The following EYA1 variants were observed in gnomAD, a reference collection of about 807,000 sequenced individuals.
EYA1 encodes the protein protein phosphatase EYA1.
In EYA1, 16 loss-of-function variants were observed where a neutral mutation model predicts 82.0. That is an observed-to-expected ratio of 0.20 (90% CI 0.13 to 0.30). The LOEUF (loss-of-function observed/expected upper bound fraction) is 0.30. Among genes scored for constraint, EYA1 ranks in the 10% least tolerant of loss-of-function variants. The pLI is 1.00. For missense variants in EYA1, 633 were observed against 730.7 expected (o/e 0.87, Z 1.54); for synonymous variants, 261 against 264.4 (o/e 0.99, Z 0.12).
chr8:71,473,796 A>G lies in EYA1; in HGVS notation c.33+61948T>C, dbSNP rs112214147. On this transcript the variant is annotated intron_variant, in intron 2 of 18. Transcript: ENST00000643681. ...TTCACAATAGCAAAGACTTGGAACC[A>G]ACCCAGATGCCCATCAATGATAGAC... Among the ~76,000 whole-genome samples the G allele has an allele frequency of 1.0e-3, 158 of 152,350 alleles. 1 individual carries two copies. Among genetic ancestry groups the G allele is most frequent in the African/African-American group, 3.6e-3 (150 of 41,592 alleles).
intron 2 of EYA1, among the ~76,000 whole-genome samples, chr8:71,504,950 C>T (rs569315683): frequency 3.7e-4 from 56 of 152,158 alleles, no homozygotes; most frequent in Non-Finnish European, 5.3e-4. Context: ...TACAGGTGTG[C>T]GCCACCACAC....
chr8:71,248,755 C>T (rs1813401012), intron 11 of EYA1, among the ~76,000 whole-genome samples: 1 of 152,124 alleles, frequency 6.6e-6, no homozygotes, highest in Admixed American at 6.5e-5. Context: ...ATTATAATAG[C>T]TAATACGTTA....
intron 11 of EYA1, among the ~76,000 whole-genome samples, chr8:71,250,450 T>A (rs550557349): frequency 1.3e-5 from 2 of 152,308 alleles, no homozygotes; most frequent in African/African-American, 2.4e-5. Context: ...CTGGCTGGGC[T>A]CCACAGTTGC....
chr8:71,321,514 G>C lies in EYA1; in HGVS notation c.418+220C>G, dbSNP rs534790316. Among the ~76,000 whole-genome samples the C allele has an allele frequency of 1.3e-4, 20 of 152,292 alleles. No homozygotes were observed. In the South Asian group the frequency reaches 3.5e-3, roughly 27 times the overall value. On this transcript the variant is annotated intron_variant, in intron 6 of 17. Transcript: ENST00000340726. ...AATCGAGAAAAATGAGAGCAAGAAG[G>C]CATACGAACCACATAATCTTTTCGC...
At chr8:71,345,289 T>C (rs141722030) in intron 3 of EYA1, among the ~76,000 whole-genome samples, 8 of 152,260 alleles carry the variant, frequency 5.3e-5, no homozygotes, top group Admixed American at 1.3e-4. Context: ...CCAGTGGACA[T>C]TGAGCATTTT....
chr8:71,342,112 G>A (rs559903927), intron 3 of EYA1, among the ~76,000 whole-genome samples: 2 of 152,134 alleles, frequency 1.3e-5, no homozygotes, highest in East Asian at 3.9e-4. Flanking sequence ...CCATACTAAT[G>A]CTCATCTCTC....
chr8:71,199,331 C>A lies in EYA1; in HGVS notation c.*9G>T. Reference sequence around the variant, plus strand: ...GAGCAGCTGTGCGCTGTCAAAGTGCCGAGCGCTGTTACAGGTACTCCAGTT... The same window carrying A: ...GAGCAGCTGTGCGCTGTCAAAGTGCAGAGCGCTGTTACAGGTACTCCAGTT... On this transcript the variant is annotated 3_prime_UTR_variant, in exon 18 of 18. Coordinates refer to ENST00000340726, the MANE Select transcript of EYA1 (RefSeq NM_000503.6). 6.3e-7 allele frequency: 1 copy of A among 1,598,962 alleles called. No individual in the cohort carries two copies. The highest frequency in any genetic ancestry group is 1.1e-5 in the South Asian group (1 of 90,024).
intron 2 of EYA1, among the ~76,000 whole-genome samples, chr8:71,505,180 G>A (rs1812100982): frequency 6.6e-6 from 1 of 152,046 alleles, no homozygotes. Context: ...CTCCACTATG[G>A]CATTTCCCAC....
Position 71,510,364 on chromosome 8 carries a change from A to AT in EYA1, c.33+25379dup, listed in dbSNP as rs376385955. 3.8e-3 allele frequency among the ~76,000 whole-genome samples: 572 copies of AT among 152,230 alleles called. 1 individual carries two copies. The highest frequency in any genetic ancestry group is 6.3e-3 in the Admixed American group (97 of 15,290). The stretch of plus-strand genomic sequence containing the variant: ...TGAGATGTTGCAGTAAGTCACTGAG[A>AT]TTTTGAGTTTTTTATGTGGCACTGT... On this transcript the variant is annotated intron_variant, in intron 2 of 18. Transcript: ENST00000643681.
chr8:71,398,864 CT>C (rs565389229), intron 2 of EYA1, among the ~76,000 whole-genome samples: 209 of 152,352 alleles, frequency 1.4e-3, no homozygotes, highest in African/African-American at 4.8e-3. Flanking sequence ...TTTCTGCTGC[CT>C]TTTGTTCAGC....
intron 4 of EYA1, among the ~76,000 whole-genome samples, chr8:71,326,748 T>A (rs571897929): frequency 1.3e-5 from 2 of 152,268 alleles, no homozygotes; most frequent in Non-Finnish European, 2.9e-5. Context: ...GCACAGTTAA[T>A]CCTGCCTTGG....
At chr8:71,469,904 C>T (rs532260121) in intron 2 of EYA1, among the ~76,000 whole-genome samples, 3 of 152,086 alleles carry the variant, frequency 2.0e-5, no homozygotes, top group African/African-American at 7.2e-5. Context: ...TCTGAGATAT[C>T]CTAATGGCAA....
intron 2 of EYA1, among the ~76,000 whole-genome samples, chr8:71,463,998 C>A (rs928560428): frequency 1.3e-5 from 2 of 152,072 alleles, no homozygotes; most frequent in Admixed American, 6.5e-5. Context: ...ATCAAATGTG[C>A]CTTTTTGGAT....
intron 7 of EYA1, among the ~76,000 whole-genome samples, chr8:71,312,109 C>T (rs1821404190): frequency 6.6e-6 from 1 of 152,174 alleles, no homozygotes; most frequent in Non-Finnish European, 1.5e-5. Flanking sequence ...TGACAGTGCT[C>T]AGAAATGAGT....
intron 2 of EYA1, among the ~76,000 whole-genome samples, chr8:71,433,296 C>T (rs370153702): frequency 6.6e-6 from 1 of 152,152 alleles, no homozygotes; most frequent in Non-Finnish European, 1.5e-5. Context: ...AGAACATAAA[C>T]ATTCCAGGAC....
At chr8:71,299,286 C>G in intron 8 of EYA1, 53 bp from the exon 9 acceptor site, 1 of 1,551,198 alleles carries the variant, frequency 6.4e-7, no homozygotes, top group Non-Finnish European at 8.9e-7. Flanking sequence ...CTGCTTATCT[C>G]TTACATATCA....
chr8:71,545,369 G>A (rs374048666), intron 1 of EYA1, among the ~76,000 whole-genome samples: 6 of 152,180 alleles, frequency 3.9e-5, no homozygotes, highest in South Asian at 4.2e-4. Flanking sequence ...GCTAGATCAC[G>A]TAAGTCAATT....
intron 2 of EYA1, among the ~76,000 whole-genome samples, chr8:71,520,213 GC>G (rs1013553529): frequency 6.1e-5 from 9 of 147,646 alleles, no homozygotes; most frequent in East Asian, 4.0e-4. Flanking sequence ...CCCCTCATTG[GC>G]CCCCCCCTCC....
intron 2 of EYA1, among the ~76,000 whole-genome samples, chr8:71,511,320 G>T (rs1429498739): frequency 2.0e-5 from 3 of 152,132 alleles, no homozygotes; most frequent in African/African-American, 7.2e-5. Flanking sequence ...AATTAGCCAT[G>T]GTCCCTGATC....
Sources: gnomAD v4.1 joint callset for allele counts (sites outside exome capture counted in the v4.1 genomes callset) on GRCh38, gnomAD v4.1.1 for gene constraint, MANE v1.5 for transcripts, NCBI Gene and HGNC (gene_info 2026-07-23, HGNC 2026-07-21) for gene names.